The following LONP2 variants were observed in gnomAD, a reference collection of about 807,000 sequenced individuals.
LONP2 encodes lon protease homolog 2, peroxisomal.
LONP2 carries 60 observed loss-of-function variants against 85.6 expected under a neutral mutation model. The observed-to-expected ratio is 0.70, with a 90% confidence interval of 0.57 to 0.87. The LOEUF is 0.87. LONP2 is among the 40% of genes least tolerant of loss of function. The probability of loss-of-function intolerance (pLI) is 0.00; values close to 1 mark genes in which losing one functional copy is unlikely to be tolerated. For synonymous variants in LONP2, 395 were observed against 389.7 expected, an observed-to-expected ratio of 1.01 and a Z score of -0.16; for missense variants, 860 against 1,063.5, an observed-to-expected ratio of 0.81 and a Z score of 2.66.
intron 8 of LONP2, among the ~76,000 whole-genome samples, chr16:48,289,200 A>T (rs113252389): frequency 0.012 from 1,865 of 152,300 alleles, 40 homozygotes; most frequent in African/African-American, 0.042. Context: ...TTTAGGAAGT[A>T]TATTTGGCCA....
At chr16:48,341,687 C>T (rs1408282921) in intron 12 of LONP2, among the ~76,000 whole-genome samples, 1 of 152,184 alleles carries the variant, frequency 6.6e-6, no homozygotes, top group African/African-American at 2.4e-5. Context: ...GATTTAGGAA[C>T]AGTATCATAG....
chr16:48,268,476 C>G (rs58095119), intron 6 of LONP2, among the ~76,000 whole-genome samples: 1 of 152,148 alleles, frequency 6.6e-6, no homozygotes, highest in Non-Finnish European at 1.5e-5. Context: ...TGACCTAACA[C>G]TGAACCATGT....
At chr16:48,297,653 T>C (rs1391059244) in intron 9 of LONP2, among the ~76,000 whole-genome samples, 3 of 152,158 alleles carry the variant, frequency 2.0e-5, no homozygotes, top group East Asian at 1.9e-4. Flanking sequence ...GTATTTTTCA[T>C]ATTAATCTGA....
chr16:48,258,368 A>AG, intron 3 of LONP2, among the ~76,000 whole-genome samples: 1 of 151,682 alleles, frequency 6.6e-6, no homozygotes, highest in African/African-American at 2.4e-5. Flanking sequence ...AAAAAAAAAA[A>AG]CCACACAGCT....
chr16:48,284,836 A>C (rs954362907), intron 8 of LONP2, among the ~76,000 whole-genome samples: 20 of 152,198 alleles, frequency 1.3e-4, no homozygotes, highest in Admixed American at 1.3e-3. Flanking sequence ...ATTTGCAAAT[A>C]TGGAATAATA....
Position 48,256,705 on chromosome 16 carries a change from A to T in LONP2, c.564A>T (p.Thr188=). Residue 188 remains threonine (T), a synonymous_variant, in exon 3 of 15, where the codon ACA becomes ACT. Transcript: ENST00000285737. ...GGGAAGCTTTACCAGACATCTTGACATCAATTATCCGAACAAGCAACAAAG... is the reference window on the plus strand; with the variant it reads ...GGGAAGCTTTACCAGACATCTTGACTTCAATTATCCGAACAAGCAACAAAG... ...LPREALPDIL[T]SIIRTSNKEK... 1 of 1,614,024 alleles carries T rather than the reference A, an allele frequency of 6.2e-7. No individual in the cohort carries two copies. Among genetic ancestry groups the T allele is most frequent in the Non-Finnish European group, 8.5e-7 (1 of 1,179,952 alleles).
intron 8 of LONP2, among the ~76,000 whole-genome samples, chr16:48,278,435 G>A (rs544446168): frequency 6.6e-6 from 1 of 151,988 alleles, no homozygotes; most frequent in Non-Finnish European, 1.5e-5. Context: ...TTTTTGTGGT[G>A]TTAACTCCCT....
At chr16:48,285,881 T>G (rs1596947041) in intron 8 of LONP2, among the ~76,000 whole-genome samples, 2 of 152,124 alleles carry the variant, frequency 1.3e-5, no homozygotes, top group East Asian at 3.9e-4. Flanking sequence ...GTGCAGCCAA[T>G]CTCCAGAACT....
chr16:48,334,599 C>G, intron 12 of LONP2: 1 of 654,026 alleles, frequency 1.5e-6, no homozygotes, highest in Non-Finnish European at 2.8e-6. Flanking sequence ...TATTTCTGGG[C>G]AAGGTGGCAG....
Position 48,256,722 on chromosome 16 carries a change from G to A in LONP2, c.581G>A (p.Ser194Asn). Reference sequence around the variant, plus strand: ...ATCTTGACATCAATTATCCGAACAAGCAACAAAGAGAAACTCCAGGTACAG... The same window carrying A: ...ATCTTGACATCAATTATCCGAACAAACAACAAAGAGAAACTCCAGGTACAG... ...PDILTSIIRTSNKEKLQILDA... is the reference protein window; with the variant it reads ...PDILTSIIRTNNKEKLQILDA... The change falls in exon 3 of 15, where the codon AGC becomes AAC. Residue 194 changes from serine to asparagine, a missense_variant. Ser to Asn is a conservative substitution (Grantham distance 46, BLOSUM62 1). Coordinates refer to ENST00000285737, the MANE Select transcript of LONP2 (RefSeq NM_031490.5). 6.2e-7 allele frequency: 1 copy of A among 1,613,724 alleles called. No individual in the cohort carries two copies. Among genetic ancestry groups the A allele is most frequent in the Non-Finnish European group, 8.5e-7 (1 of 1,179,852 alleles).
At chr16:48,264,318 G>T (rs1024083542) in intron 6 of LONP2, among the ~76,000 whole-genome samples, 2 of 152,034 alleles carry the variant, frequency 1.3e-5, no homozygotes, top group African/African-American at 4.8e-5. Flanking sequence ...GCCCCGGGGG[G>T]GCCAGTTCAG....
chr16:48,320,126 C>G (rs1010614965), intron 11 of LONP2, among the ~76,000 whole-genome samples: 5 of 146,072 alleles, frequency 3.4e-5, no homozygotes, highest in Admixed American at 1.4e-4. Flanking sequence ...CGCCACTGCA[C>G]TCTAGCCTGG....
Position 48,322,694 on chromosome 16 carries a change from G to A in LONP2, c.1796-11522G>A, listed in dbSNP as rs28379458. Among the ~76,000 whole-genome samples the A allele has an allele frequency of 4.3e-3, 653 of 152,208 alleles. 3 individuals carry two copies. The highest frequency in any genetic ancestry group is 0.015 in the African/African-American group (619 of 41,512). ...GTTCAAGACCAGTCTGGGCAACATA[G>A]CGAGACTCCACCTCTAAAAATATAT... On this transcript the variant is annotated intron_variant, in intron 11 of 14. Transcript: ENST00000285737.
At chr16:48,278,683 G>C (rs1311383973) in intron 8 of LONP2, among the ~76,000 whole-genome samples, 1 of 152,100 alleles carries the variant, frequency 6.6e-6, no homozygotes, top group African/African-American at 2.4e-5. Context: ...GCTTTACCCT[G>C]AAAACTTTCA....
downstream of LONP2, chr16:48,361,138 T>C (rs573115582): frequency 1.9e-4 from 31 of 163,074 alleles, no homozygotes; most frequent in East Asian, 1.4e-3. Context: ...AGCAGCACTA[T>C]GTATTGACTC....
chr16:48,357,800 G>A (rs527743879), downstream of LONP2, among the ~76,000 whole-genome samples: 7 of 152,216 alleles, frequency 4.6e-5, no homozygotes, highest in South Asian at 8.3e-4. Context: ...ACTTACATAC[G>A]TTTGAAGTTT....
intron 11 of LONP2, among the ~76,000 whole-genome samples, chr16:48,327,749 C>T (rs1034815413): frequency 3.3e-5 from 5 of 152,114 alleles, no homozygotes; most frequent in Non-Finnish European, 5.9e-5. Flanking sequence ...TGAACCACCA[C>T]GCCCAGCCTC....
At chr16:48,261,639 G>GA in intron 5 of LONP2, 52 bp downstream of exon 5, 1 of 1,300,868 alleles carries the variant, frequency 7.7e-7, no homozygotes, top group Non-Finnish European at 1.0e-6. Context: ...TGGTACTCCT[G>GA]ATTAACACCA....
intron 12 of LONP2, chr16:48,343,968 G>A (rs1024664476): frequency 6.6e-6 from 1 of 152,188 alleles, no homozygotes; most frequent in Non-Finnish European, 1.5e-5. Flanking sequence ...TTCAAGTCTA[G>A]GCCTATCTTG....
Sources: allele counts gnomAD v4.1 joint callset (sites outside exome capture counted in the v4.1 genomes callset), GRCh38; gene constraint gnomAD v4.1.1; transcripts MANE v1.5; gene names NCBI Gene and HGNC (gene_info 2026-07-23, HGNC 2026-07-21).